TMEM176B: variants seen among roughly 807,000 people sequenced by gnomAD.
The protein encoded by TMEM176B is LR8-like protein.
A neutral mutation model predicts 30.3 loss-of-function variants in TMEM176B; 28 were observed. The observed-to-expected ratio is 0.92, with a 90% CI of 0.68 to 1.27. The LOEUF (loss-of-function observed/expected upper bound fraction) is 1.27, where lower values mean the gene tolerates loss of function less well. TMEM176B is among the 50% of genes most tolerant of loss of function. The pLI is 0.00. For missense variants in TMEM176B, 349 were observed against 327.4 expected (o/e 1.07, Z -0.51); for synonymous variants, 123 against 130.3 (o/e 0.94, Z 0.38).
Position 150,795,768 on chromosome 7 carries a change from T to C in TMEM176B, c.204+598A>G, listed in dbSNP as rs79088581. Among the ~76,000 whole-genome samples the C allele has an allele frequency of 5.3e-3, 808 of 152,306 alleles. 14 individuals are homozygous for C. The highest frequency in any genetic ancestry group is 0.05 in the South Asian group (240 of 4,826). On this transcript the variant is annotated intron_variant, in intron 2 of 6. Transcript: ENST00000326442. Reference sequence around the variant, plus strand: ...TCCATCCAAATTTCTGTGGGGACACTTACAACTTTTTCCTACACAGAATGA... The same window carrying C: ...TCCATCCAAATTTCTGTGGGGACACCTACAACTTTTTCCTACACAGAATGA...
At position 150,791,509 on chromosome 7, in the gene TMEM176B, A is replaced by G; in HGVS notation, c.*22T>C. ...CTGCCCTAGACAGGGACATGCGGGCACCCCGTGGGGTCTTTGGCAGCTCAC... is the reference window on the plus strand; with the variant it reads ...CTGCCCTAGACAGGGACATGCGGGCGCCCCGTGGGGTCTTTGGCAGCTCAC... On this transcript the variant is annotated 3_prime_UTR_variant, in exon 7 of 7. Transcript: ENST00000326442. The G allele has an allele frequency of 6.2e-7, 1 of 1,607,630 alleles. No homozygotes were observed. The highest frequency in any genetic ancestry group is 8.5e-7 in the Non-Finnish European group (1 of 1,175,768).
intron 3 of TMEM176B, 116 bp from the exon 4 acceptor site, chr7:150,793,716 C>G (rs1798410048): frequency 1.1e-6 from 1 of 929,116 alleles, no homozygotes; most frequent in South Asian, 1.6e-5. Flanking sequence ...CAGGGACAGA[C>G]AAAGAACTCT....
intron 1 of TMEM176B, among the ~76,000 whole-genome samples, chr7:150,799,822 G>A (rs1798693178): frequency 6.6e-6 from 1 of 151,722 alleles, no homozygotes; most frequent in Admixed American, 6.6e-5. Context: ...GATCTGCCTC[G>A]CCCCCGCCTG....
At chr7:150,796,601 G>A (rs372335680) in intron 1 of TMEM176B, 27 bp from the exon 2 acceptor site, 156 of 1,609,518 alleles carry the variant, frequency 9.7e-5, no homozygotes, top group Non-Finnish European at 1.3e-4. Flanking sequence ...ATATAGCAGT[G>A]AGGTCTGGGA....
rs535722770 is a variant in TMEM176B, at chr7:150,796,639, A to T, written c.-5-65T>A. On this transcript the variant is annotated intron_variant, in intron 1 of 6. Transcript: ENST00000326442. ...TAGGCGAGGGAAAAATACACAGCAC[A>T]GGTGAAAGGAGAGAAATAGTGTCTT... 605 of 1,470,106 alleles carry T rather than the reference A, an allele frequency of 4.1e-4. No individual in the cohort carries two copies. Among genetic ancestry groups the T allele is most frequent in the Non-Finnish European group, 5.4e-4 (574 of 1,059,376 alleles). 91.1% of individuals were successfully genotyped at this position (1,470,106 alleles called of 1,614,324 possible). A position where few individuals can be genotyped will look rare whatever the true frequency, so the allele number is the denominator to read the frequency against.
Position 150,793,556 on chromosome 7 carries a change from C to A in TMEM176B, c.360G>T (p.Pro120=). 1 of 1,613,448 alleles carries A rather than the reference C, an allele frequency of 6.2e-7. No individual in the cohort carries two copies. The highest frequency in any genetic ancestry group is 8.5e-7 in the Non-Finnish European group (1 of 1,179,758). The change falls in exon 4 of 7, where the codon CCG becomes CCT. Residue 120 remains proline (P), a synonymous_variant. Coordinates refer to ENST00000326442, the MANE Select transcript of TMEM176B (RefSeq NM_001101312.2). ...GTCCAAGACTCACAGCAAGTTTGCC[C>A]GGGTGCTTCTCATGGACAATGGCCC... ...GAGAIVHEKH[P]GKLAGYISSL... is the part of the protein sequence containing the mutation.
Position 150,797,211 on chromosome 7 carries a change from C to T in TMEM176B, c.-5-637G>A, listed in dbSNP as rs933542434. ...AATCCTACCATGACATTTTTGCATA[C>T]AAAAGTGTGAAAAAGTATTTCTGCC... On this transcript the variant is annotated intron_variant, in intron 1 of 6. Coordinates refer to ENST00000326442, the MANE Select transcript of TMEM176B (RefSeq NM_001101312.2). 2.6e-5 allele frequency among the ~76,000 whole-genome samples: 4 copies of T among 152,080 alleles called. 1 individual carries two copies. Among genetic ancestry groups the T allele is most frequent in the Admixed American group, 2.6e-4 (4 of 15,272 alleles).
chr7:150,795,231 G>A (rs937318867), intron 2 of TMEM176B, among the ~76,000 whole-genome samples: 2 of 152,188 alleles, frequency 1.3e-5, no homozygotes, highest in African/African-American at 4.8e-5. Context: ...TGTCAAAGCT[G>A]ATTCAGGACA....
intron 1 of TMEM176B, chr7:150,796,880 G>A (rs1798550509): frequency 6.4e-6 from 2 of 312,452 alleles, no homozygotes; most frequent in Non-Finnish European, 1.2e-5. Context: ...CTTCAACCTG[G>A]GAGGCTGAGG....
In TMEM176B at chr7:150,792,056, C is replaced by T. The variant is rs151053946; in HGVS notation, c.720G>A (p.Leu240=). The part of the protein sequence containing the change: ...RNLCGQSSQP[L]NEEGSEKRLL... ...CAGAGGCCCCTCCCCGACAACTCACCAGGGGCTGGGAGCTCTGGCCACACA... is the reference window on the plus strand; with the variant it reads ...CAGAGGCCCCTCCCCGACAACTCACTAGGGGCTGGGAGCTCTGGCCACACA... Residue 240 remains leucine (L), a splice_region_variant and synonymous_variant, in exon 6 of 7, where the codon CTG becomes CTA. Coordinates refer to ENST00000326442, the MANE Select transcript of TMEM176B (RefSeq NM_001101312.2). 1 of 1,613,728 alleles carries T rather than the reference C, an allele frequency of 6.2e-7. No individual in the cohort carries two copies. The highest frequency in any genetic ancestry group is 8.5e-7 in the Non-Finnish European group (1 of 1,179,860).
chr7:150,798,227 G>C (rs1035959664), intron 1 of TMEM176B, among the ~76,000 whole-genome samples: 3 of 152,004 alleles, frequency 2.0e-5, no homozygotes, highest in African/African-American at 7.2e-5. Flanking sequence ...TTTCTGTAAT[G>C]ATTTCCATAT....
intron 2 of TMEM176B, among the ~76,000 whole-genome samples, chr7:150,795,097 A>G (rs2116691765): frequency 6.6e-6 from 1 of 151,796 alleles, no homozygotes; most frequent in Admixed American, 6.6e-5. Flanking sequence ...AAGGACAGGG[A>G]CTCCTTTGTC....
At chr7:150,796,984 CA>C (rs1487976098) in intron 1 of TMEM176B, among the ~76,000 whole-genome samples, 1 of 151,872 alleles carries the variant, frequency 6.6e-6, no homozygotes, top group African/African-American at 2.4e-5. Flanking sequence ...AACAAACAAA[CA>C]AAAAACAGTG....
chr7:150,796,824 T>C (rs4725365), intron 1 of TMEM176B: 319,727 of 425,770 alleles, frequency 0.75, 122,210 homozygotes, highest in African/African-American at 0.95. Flanking sequence ...CACGGTGGTG[T>C]GCACCTGTAG....
chr7:150,797,983 ACT>A (rs1194590417), intron 1 of TMEM176B, among the ~76,000 whole-genome samples: 1 of 152,144 alleles, frequency 6.6e-6, no homozygotes, highest in Non-Finnish European at 1.5e-5. Context: ...CAGGAGGCAA[ACT>A]CTTTTATCTT....
rs146137198 is a variant in TMEM176B, at chr7:150,793,475, G to A, written c.372+69C>T. The A allele has an allele frequency of 9.9e-4, 1,564 of 1,581,202 alleles. 15 individuals are homozygous for A. In the African/African-American group the frequency reaches 0.019, roughly 19 times the overall value. On this transcript the variant is annotated intron_variant, in intron 4 of 6. Coordinates refer to ENST00000326442, the MANE Select transcript of TMEM176B (RefSeq NM_001101312.2). ...AGATATTGACAACCAAAGGGCAGAA[G>A]ACAGATAATGGAGCAGAATTCAGGA...
chr7:150,795,985 CA>C (rs1402385136), intron 2 of TMEM176B, among the ~76,000 whole-genome samples: 1 of 152,078 alleles, frequency 6.6e-6, no homozygotes, highest in East Asian at 1.9e-4. Context: ...ATGTTGCTCC[CA>C]AAATGTAATT....
intron 2 of TMEM176B, among the ~76,000 whole-genome samples, chr7:150,795,370 C>A (rs144707910): frequency 6.6e-6 from 1 of 152,162 alleles, no homozygotes; most frequent in African/African-American, 2.4e-5. Flanking sequence ...TGCCTTTGCT[C>A]CTGCCATTCT....
chr7:150,791,761 A>AT, intron 6 of TMEM176B, 138 bp from the exon 7 acceptor site: 2 of 896,952 alleles, frequency 2.2e-6, no homozygotes, highest in African/African-American at 1.7e-5. Flanking sequence ...GCAAAAAAAA[A>AT]ACAAGGTGGC....
Sources: gnomAD v4.1 joint callset for allele counts (sites outside exome capture counted in the v4.1 genomes callset) on GRCh38, gnomAD v4.1.1 for gene constraint, MANE v1.5 for transcripts, NCBI Gene and HGNC (gene_info 2026-07-23, HGNC 2026-07-21) for gene names.